ARHGAP8: variants seen among roughly 807,000 people sequenced by gnomAD.
ARHGAP8 encodes Rho GTPase activating protein 8, also known as rho GTPase-activating protein 8.
ARHGAP8 carries 62 observed loss-of-function variants against 46.1 expected under a neutral mutation model. The observed-to-expected ratio is 1.34, with a 90% confidence interval of 1.10 to 1.66. ARHGAP8 has a LOEUF of 1.66. Ranked by LOEUF, ARHGAP8 falls within the 40% of genes most tolerant of loss-of-function variation. The probability of loss-of-function intolerance (pLI) is 0.00; values close to 1 mark genes in which losing one functional copy is unlikely to be tolerated. For synonymous variants in ARHGAP8, 375 were observed against 243.1 expected (o/e 1.54, Z -5.05); for missense variants, 923 against 568.4 (o/e 1.62, Z -6.34).
Position 44,822,465 on chromosome 22 carries a change from T to C in ARHGAP8, c.481T>C (p.Leu161=). ...YDQLVIPPEV[L]RYDEKLQSLH... Reference sequence around the variant, plus strand: ...CCAGCTGGTCATCCCTCCCGAAGTTTTGCGGTAAGTGCCTGTTAGACCCCA... The same window carrying C: ...CCAGCTGGTCATCCCTCCCGAAGTTCTGCGGTAAGTGCCTGTTAGACCCCA... The change falls in exon 6 of 12, where the codon TTG becomes CTG. Residue 161 remains leucine, a synonymous_variant. Transcript: ENST00000356099. 1.3e-6 allele frequency: 2 copies of C among 1,553,200 alleles called. No homozygotes were observed. Among genetic ancestry groups the C allele is most frequent in the Non-Finnish European group, 1.7e-6 (2 of 1,158,482 alleles).
At chr22:44,862,222 T>C (rs931180437) in intron 11 of ARHGAP8, 53 bp from the exon 12 acceptor site, 1 of 1,528,898 alleles carries the variant, frequency 6.5e-7, no homozygotes, top group Middle Eastern at 1.8e-4. Context: ...GAGTTCCAGG[T>C]GCCCGTGCCC....
At chr22:44,816,796 C>A (rs1359927426) in intron 5 of ARHGAP8, among the ~76,000 whole-genome samples, 2 of 137,466 alleles carry the variant, frequency 1.5e-5, no homozygotes, top group Non-Finnish European at 3.0e-5. Flanking sequence ...CAAGCAAGAC[C>A]CTGTCTCAAA....
intron 7 of ARHGAP8, among the ~76,000 whole-genome samples, chr22:44,837,283 C>T (rs1931351043): frequency 6.6e-6 from 1 of 152,204 alleles, no homozygotes; most frequent in South Asian, 2.1e-4. Flanking sequence ...AAGCACATCT[C>T]CCGAGGGGAG....
intron 1 of ARHGAP8, among the ~76,000 whole-genome samples, chr22:44,758,921 T>G (rs541434218): frequency 1.3e-5 from 2 of 152,016 alleles, no homozygotes; most frequent in South Asian, 4.2e-4. Flanking sequence ...GGTTTAGGAG[T>G]GGAGGACACG....
At chr22:44,770,658 G>C (rs899409661) in intron 1 of ARHGAP8, among the ~76,000 whole-genome samples, 1 of 152,080 alleles carries the variant, frequency 6.6e-6, no homozygotes, top group African/African-American at 2.4e-5. Flanking sequence ...GACCCACTTT[G>C]GCCTCCCAAA....
chr22:44,767,338 C>G (rs888693928), intron 1 of ARHGAP8, among the ~76,000 whole-genome samples: 7 of 151,850 alleles, frequency 4.6e-5, no homozygotes, highest in Non-Finnish European at 7.4e-5. Context: ...CTTTCTCCCC[C>G]TCTCTCTCTC....
chr22:44,833,101 T>TTTTCTTTTCTTTTCTTTTC (rs1569169226), intron 7 of ARHGAP8, among the ~76,000 whole-genome samples: 1 of 56,630 alleles, frequency 1.8e-5, no homozygotes, highest in African/African-American at 6.6e-5. Context: ...CTTTTCTTTT[T>TTTTCTTTTCTTTTCTTTTC]TTTTTTTTTT....
At chr22:44,797,644 G>A (rs780808282) in intron 2 of ARHGAP8, among the ~76,000 whole-genome samples, 9 of 152,190 alleles carry the variant, frequency 5.9e-5, no homozygotes, top group Non-Finnish European at 8.8e-5. Flanking sequence ...TCCAAACCTC[G>A]GAGTAGCTTC....
Position 44,763,049 on chromosome 22 carries a change from C to T in ARHGAP8, c.-72+10422C>T, listed in dbSNP as rs182384412. On this transcript the variant is annotated intron_variant, in intron 1 of 11. Transcript: ENST00000356099. Reference sequence around the variant, plus strand: ...CAATGGCCAGTGATTTATCCAATGACGCCTACATAACAAAACTTGGGTCCA... The same window carrying T: ...CAATGGCCAGTGATTTATCCAATGATGCCTACATAACAAAACTTGGGTCCA... Among the ~76,000 whole-genome samples the T allele has an allele frequency of 7.2e-5, 11 of 152,186 alleles. No individual in the cohort carries two copies. In the South Asian group the frequency reaches 8.3e-4, roughly 12 times the overall value.
chr22:44,806,878 G>C (rs1273788359), intron 3 of ARHGAP8, among the ~76,000 whole-genome samples: 2 of 151,448 alleles, frequency 1.3e-5, no homozygotes, highest in Admixed American at 6.6e-5. Context: ...GCACGAGAAC[G>C]GCGTGAATCC....
At chr22:44,853,266 C>G (rs566379175) in intron 10 of ARHGAP8, among the ~76,000 whole-genome samples, 1 of 152,296 alleles carries the variant, frequency 6.6e-6, no homozygotes, top group East Asian at 1.9e-4. Context: ...TTCCGGTGAA[C>G]TTTCTGAGCA....
Position 44,848,006 on chromosome 22 carries a change from C to A in ARHGAP8, c.704C>A (p.Ala235Asp). 6.2e-7 allele frequency: 1 copy of A among 1,608,308 alleles called. No homozygotes were observed. The highest frequency in any genetic ancestry group is 8.5e-7 in the Non-Finnish European group (1 of 1,179,948). The change falls in exon 9 of 12, where the codon GCC becomes GAC. Residue 235 changes from alanine (A) to aspartate (D), a missense_variant. Physicochemically the swap from Ala to Asp is moderately radical, Grantham distance 126. Coordinates refer to ENST00000356099, the MANE Select transcript of ARHGAP8 (RefSeq NM_181335.3). ...ACCGAGGGCCTGTTCCGGAGATCCG[C>A]CAGCGTGCAGACCGTCCGCGAGATC... is the stretch of plus-strand genomic sequence containing the variant. The part of the protein sequence containing the change: ...LRTEGLFRRS[A>D]SVQTVREIQR...
At chr22:44,822,850 C>T (rs1412510843) in intron 6 of ARHGAP8, among the ~76,000 whole-genome samples, 2 of 152,198 alleles carry the variant, frequency 1.3e-5, no homozygotes, top group African/African-American at 4.8e-5. Context: ...TTCTCAGGGA[C>T]GTCACGGGTG....
At chr22:44,840,459 G>C (rs921328180) in intron 7 of ARHGAP8, among the ~76,000 whole-genome samples, 1 of 151,134 alleles carries the variant, frequency 6.6e-6, no homozygotes. Context: ...CTGCTCACTA[G>C]ATCCTCTGCA....
At chr22:44,799,935 A>G (rs1410041937) in intron 2 of ARHGAP8, among the ~76,000 whole-genome samples, 2 of 132,044 alleles carry the variant, frequency 1.5e-5, no homozygotes, top group Non-Finnish European at 3.3e-5. Context: ...GAGAGGAGGA[A>G]AGTCTGAACC....
intron 1 of ARHGAP8, among the ~76,000 whole-genome samples, chr22:44,754,749 TG>T (rs1436646574): frequency 6.6e-6 from 1 of 152,106 alleles, no homozygotes; most frequent in East Asian, 1.9e-4. Context: ...GAGCTATTCA[TG>T]GGCACACTGT....
At chr22:44,778,994 T>C (rs1304982930) in intron 1 of ARHGAP8, among the ~76,000 whole-genome samples, 3 of 151,942 alleles carry the variant, frequency 2.0e-5, no homozygotes, top group Admixed American at 6.6e-5. Flanking sequence ...GTTCAAAAGA[T>C]GGTCTGCAAA....
chr22:44,803,496 T>C (rs542941859), intron 3 of ARHGAP8, among the ~76,000 whole-genome samples: 17 of 152,158 alleles, frequency 1.1e-4, no homozygotes, highest in Admixed American at 5.2e-4. Flanking sequence ...GGTCTACACC[T>C]TCTGTTCCCC....
At chr22:44,805,960 G>A (rs185356367) in intron 3 of ARHGAP8, among the ~76,000 whole-genome samples, 61 of 152,336 alleles carry the variant, frequency 4.0e-4, no homozygotes, top group African/African-American at 1.3e-3. Context: ...GACACTCAGA[G>A]GATTTCAGTG....
Sources: gnomAD v4.1 joint callset for allele counts (sites outside exome capture counted in the v4.1 genomes callset) on GRCh38, gnomAD v4.1.1 for gene constraint, MANE v1.5 for transcripts, NCBI Gene and HGNC (gene_info 2026-07-23, HGNC 2026-07-21) for gene names.